The following ANKRD36 variants were observed in gnomAD, a reference collection of about 807,000 sequenced individuals.
ANKRD36 encodes ankyrin repeat domain 36.
In ANKRD36, 179 loss-of-function variants were observed where a neutral mutation model predicts 278.1. The ratio of observed to expected loss-of-function variants is 0.64; its 90% CI spans 0.57 to 0.73. The LOEUF (loss-of-function observed/expected upper bound fraction) is 0.73. Ranked by LOEUF, ANKRD36 falls within the 30% of genes least tolerant of loss-of-function variation. The pLI is 0.00. For synonymous variants in ANKRD36, 320 were observed against 641.1 expected (o/e 0.50, Z 7.57); for missense variants, 1,159 against 1,956.7 (o/e 0.59, Z 7.69).
At chr2:97,228,639 A>C (rs1244172980) in intron 67 of ANKRD36, among the ~76,000 whole-genome samples, 1 of 151,116 alleles carries the variant, frequency 6.6e-6, no homozygotes, top group Non-Finnish European at 1.5e-5. Flanking sequence ...TATTTCCTTC[A>C]GTTCTGTTCT....
chr2:97,171,813 C>T (rs2052637359), intron 22 of ANKRD36, among the ~76,000 whole-genome samples: 1 of 151,232 alleles, frequency 6.6e-6, no homozygotes, highest in South Asian at 2.1e-4. Flanking sequence ...CCATAATAAC[C>T]CTAGAAGAAA....
At chr2:97,163,588 T>TCTTTTC (rs2049742659) in intron 18 of ANKRD36, 6 of 215,982 alleles carry the variant, frequency 2.8e-5, no homozygotes, top group African/African-American at 7.1e-5. Flanking sequence ...TCTTTTCTTT[T>TCTTTTC]TTTTTGAGAC....
intron 6 of ANKRD36, among the ~76,000 whole-genome samples, chr2:97,138,786 T>C (rs1381218655): frequency 6.6e-6 from 1 of 151,950 alleles, no homozygotes; most frequent in African/African-American, 2.4e-5. Context: ...ATGCCATACA[T>C]CTACACCATC....
In ANKRD36 at chr2:97,211,711, G is replaced by GA. The variant is rs777704179; in HGVS notation, c.3446dup (p.Asp1150GlyfsTer2). 3 of 1,588,104 alleles carry GA rather than the reference G, an allele frequency of 1.9e-6. No homozygotes were observed. Among genetic ancestry groups the GA allele is most frequent in the East Asian group, 2.4e-5 (1 of 42,478 alleles). On this transcript the variant is annotated frameshift_variant, in exon 58 of 76. Coordinates refer to ENST00000420699, the MANE Select transcript of ANKRD36 (RefSeq NM_001354587.1). LOFTEE classifies it high-confidence loss of function. ...AGATTCTGTTCCGAATATGGCCACG[G>GA]AAAAAAAGGATGAACAAATATCTGG... is the stretch of plus-strand genomic sequence containing the variant.
chr2:97,191,191 CAA>C lies in ANKRD36; in HGVS notation c.2347+13_2347+14del. ...GAAAAATCTGGGACAGGTAATTTTG[CAA>C]AAGACATTTAATGTCATATTCAGTC... On this transcript the variant is annotated intron_variant, in intron 36 of 75. Transcript: ENST00000420699. The C allele has an allele frequency of 6.3e-7, 1 of 1,580,978 alleles. No individual in the cohort carries two copies. The highest frequency in any genetic ancestry group is 1.1e-5 in the South Asian group (1 of 87,338).
chr2:97,199,896 C>A (rs543514359), intron 44 of ANKRD36, among the ~76,000 whole-genome samples: 1 of 151,988 alleles, frequency 6.6e-6, no homozygotes, highest in South Asian at 2.1e-4. Context: ...AGTTATTGGG[C>A]AAGTTAAAGA....
rs375904036 is a variant in ANKRD36, at chr2:97,199,324, G to A, written c.2755+666G>A. ...GACCCCTTACTCTTCTTGTTACTAGGAGGCCTCAGAGATACATGTTTTGTT... is the reference window on the plus strand; with the variant it reads ...GACCCCTTACTCTTCTTGTTACTAGAAGGCCTCAGAGATACATGTTTTGTT... On this transcript the variant is annotated intron_variant, in intron 44 of 75. Transcript: ENST00000420699. 2.4e-4 allele frequency among the ~76,000 whole-genome samples: 36 copies of A among 152,014 alleles called. 7 individuals carry two copies. The highest frequency in any genetic ancestry group is 5.2e-4 in the Admixed American group (8 of 15,246).
chr2:97,206,786 C>T (rs2062975377), intron 52 of ANKRD36, among the ~76,000 whole-genome samples: 1 of 151,470 alleles, frequency 6.6e-6, no homozygotes. Flanking sequence ...TGACTCATTA[C>T]TCCCCTTTGT....
intron 30 of ANKRD36, among the ~76,000 whole-genome samples, 183 bp from the exon 31 acceptor site, chr2:97,187,015 C>A (rs953096898): frequency 1.3e-5 from 2 of 151,898 alleles, no homozygotes; most frequent in Non-Finnish European, 2.9e-5. Flanking sequence ...TATCGTGGCA[C>A]ATCTATTTCT....
chr2:97,187,891 G>A (rs1420723804), intron 32 of ANKRD36, among the ~76,000 whole-genome samples: 2 of 151,754 alleles, frequency 1.3e-5, no homozygotes, highest in Non-Finnish European at 2.9e-5. Flanking sequence ...ACAGGAAGGA[G>A]GGAAAAGAAG....
chr2:97,208,851 TG>T (rs2063587051), intron 54 of ANKRD36, among the ~76,000 whole-genome samples: 1 of 146,864 alleles, frequency 6.8e-6, no homozygotes, highest in Non-Finnish European at 1.5e-5. Flanking sequence ...ACAAGAATGA[TG>T]TTGAATTCTA....
In ANKRD36 at chr2:97,121,633, G is replaced by A. The variant is rs568529474; in HGVS notation, c.487-1254G>A. Among the ~76,000 whole-genome samples the A allele has an allele frequency of 6.6e-5, 10 of 152,130 alleles. No individual in the cohort carries two copies. The South Asian group carries it at 1.0e-3, about 16-fold the overall frequency. On this transcript the variant is annotated intron_variant, in intron 3 of 75. Coordinates refer to ENST00000420699, the MANE Select transcript of ANKRD36 (RefSeq NM_001354587.1). ...TGCACTCCAGCCTGGGCGACAGAGC[G>A]AGACTCCATCCCAAATAAATAAATA...
At chr2:97,133,934 C>A (rs1327696848) in intron 6 of ANKRD36, among the ~76,000 whole-genome samples, 1 of 152,000 alleles carries the variant, frequency 6.6e-6, no homozygotes, top group Non-Finnish European at 1.5e-5. Context: ...ATAATAATCA[C>A]CCAAAGTCCA....
At chr2:97,158,218 T>C (rs938232987) in intron 16 of ANKRD36, 51 bp downstream of exon 16, 38 of 1,335,104 alleles carry the variant, frequency 2.8e-5, no homozygotes, top group Admixed American at 1.2e-4. Context: ...TCTTTTTTTT[T>C]CTTTCTTTTT....
chr2:97,142,666 A>C lies in ANKRD36; in HGVS notation c.826A>C (p.Lys276Gln), dbSNP rs1208308951. 2 of 1,609,642 alleles carry C rather than the reference A, an allele frequency of 1.2e-6. No individual in the cohort carries two copies. The highest frequency in any genetic ancestry group is 8.5e-7 in the Non-Finnish European group (1 of 1,179,156). ...GTCTTCTCAGAAACAACCAGCCTTG[A>C]AGGTAATTACACATTCATTTCTGTT... is the stretch of plus-strand genomic sequence containing the variant. ...PVSSQKQPAL[K>Q]ATSGKEDSIS... Residue 276 changes from lysine (K) to glutamine (Q), a missense_variant and splice_region_variant, in exon 7 of 76, where the codon AAG becomes CAG. By Grantham distance (53) the Lys-to-Gln change is moderately conservative. Coordinates refer to ENST00000420699, the MANE Select transcript of ANKRD36 (RefSeq NM_001354587.1).
At chr2:97,147,895 C>G (rs1574922646) in intron 11 of ANKRD36, among the ~76,000 whole-genome samples, 1 of 151,926 alleles carries the variant, frequency 6.6e-6, no homozygotes, top group South Asian at 2.1e-4. Context: ...TCAAGAAAGG[C>G]ATATTAGAAT....
chr2:97,212,924 C>T (rs1232217609), intron 58 of ANKRD36: 11 of 278,678 alleles, frequency 3.9e-5, no homozygotes, highest in African/African-American at 9.1e-5. Context: ...ACTGAAGAGA[C>T]GTGAAGTGTA....
rs1031659809 is a variant in ANKRD36 at position 97,152,075 on chromosome 2, T to G, written c.1162+136T>G. ...TGGTGCGATCTTGGCTCACTGCAGT[T>G]TCCATCTCCTGGGTTCAAGTGATTC... On this transcript the variant is annotated intron_variant, in intron 13 of 75. Transcript: ENST00000420699. The G allele has an allele frequency of 5.7e-5, 40 of 707,750 alleles. 1 individual carries two copies. Among genetic ancestry groups the G allele is most frequent in the South Asian group, 1.0e-4 (6 of 57,344 alleles). 43.8% of individuals were successfully genotyped at this position (707,750 alleles called of 1,614,324 possible).
intron 28 of ANKRD36, 65 bp from the exon 29 acceptor site, chr2:97,185,251 A>C: frequency 6.4e-7 from 1 of 1,558,340 alleles, no homozygotes; most frequent in Non-Finnish European, 8.8e-7. Flanking sequence ...CTAACACTTC[A>C]TGAATGTATA....
Sources: gnomAD v4.1 joint callset for allele counts (sites outside exome capture counted in the v4.1 genomes callset) on GRCh38, gnomAD v4.1.1 for gene constraint, MANE v1.5 for transcripts, NCBI Gene and HGNC (gene_info 2026-07-23, HGNC 2026-07-21) for gene names.